Variants in ITGA9 observed in about 807,000 individuals in gnomAD.
ITGA9 encodes integrin alpha-9.
Under a neutral mutation model 127.8 loss-of-function variants are expected in ITGA9, and 56 were observed. The ratio of observed to expected loss-of-function variants is 0.44; its 90% CI spans 0.35 to 0.55. The LOEUF (loss-of-function observed/expected upper bound fraction) is 0.55. Ranked by LOEUF, ITGA9 falls within the 20% of genes least tolerant of loss-of-function variation. ITGA9 has a pLI of 0.00. For synonymous variants in ITGA9, 508 were observed against 514.5 expected, an observed-to-expected ratio of 0.99 and a Z score of 0.17; for missense variants, 1,196 against 1,347.1, an observed-to-expected ratio of 0.89 and a Z score of 1.76.
chr3:37,774,437 A>G (rs914386185), intron 23 of ITGA9, among the ~76,000 whole-genome samples: 6 of 151,940 alleles, frequency 3.9e-5, no homozygotes, highest in African/African-American at 9.7e-5. Context: ...GCTCATGCCT[A>G]TAATCCCAGT....
intron 16 of ITGA9, among the ~76,000 whole-genome samples, chr3:37,636,302 T>G (rs1559554906): frequency 1.3e-5 from 2 of 152,190 alleles, no homozygotes; most frequent in African/African-American, 4.8e-5. Flanking sequence ...TGTTGTTTCC[T>G]GACTTTTTAA....
At position 37,750,027 on chromosome 3, in the gene ITGA9, G is replaced by A. The variant is rs146410419; in HGVS notation, c.2434-435G>A. On this transcript the variant is annotated intron_variant, in intron 22 of 27. Transcript: ENST00000264741. ...CCTAGACCTACTGAGTCAGAAACTC[G>A]GCATGACCCCCACTCCATACCCCCC... is the stretch of plus-strand genomic sequence containing the variant. 4.5e-3 allele frequency among the ~76,000 whole-genome samples: 678 copies of A among 151,834 alleles called. 1 individual carries two copies. The highest frequency in any genetic ancestry group is 0.015 in the African/African-American group (638 of 41,358).
intron 14 of ITGA9, among the ~76,000 whole-genome samples, chr3:37,535,920 G>A (rs1559530897): frequency 1.3e-5 from 2 of 152,320 alleles, no homozygotes; most frequent in South Asian, 4.2e-4. Context: ...AAATGTGCTG[G>A]CAGTGAAATG....
chr3:37,662,455 A>G (rs1700547553), intron 17 of ITGA9, among the ~76,000 whole-genome samples: 1 of 152,100 alleles, frequency 6.6e-6, no homozygotes, highest in East Asian at 1.9e-4. Context: ...AAGGGAGAGG[A>G]GAACATTGAG....
At chr3:37,509,313 A>C (rs1698877482) in intron 8 of ITGA9, among the ~76,000 whole-genome samples, 1 of 152,204 alleles carries the variant, frequency 6.6e-6, no homozygotes, top group African/African-American at 2.4e-5. Flanking sequence ...TTAATAAGCA[A>C]CAGTTTTCAT....
intron 15 of ITGA9, among the ~76,000 whole-genome samples, chr3:37,610,331 G>T (rs1219914640): frequency 6.6e-6 from 1 of 152,044 alleles, no homozygotes; most frequent in Non-Finnish European, 1.5e-5. Flanking sequence ...TGTTAAATTT[G>T]TTCAAAGTTT....
At chr3:37,777,999 T>C (rs1330301286) in intron 24 of ITGA9, among the ~76,000 whole-genome samples, 4 of 152,156 alleles carry the variant, frequency 2.6e-5, no homozygotes, top group African/African-American at 9.7e-5. Context: ...TATCCATCAA[T>C]AGGAGAATAA....
At position 37,727,257 on chromosome 3, in the gene ITGA9, A is replaced by G. The variant is rs1465051426; in HGVS notation, c.2068-5455A>G. On this transcript the variant is annotated intron_variant, in intron 18 of 27. Transcript: ENST00000264741. ...TTGAAAAATCTTAAGTAGAACCATC[A>G]TAAGTCAGGGACTATCTGTATGGTA... 2.0e-5 allele frequency among the ~76,000 whole-genome samples: 3 copies of G among 152,236 alleles called. No individual in the cohort carries two copies. The South Asian group carries it at 6.2e-4, about 32-fold the overall frequency.
intron 27 of ITGA9, among the ~76,000 whole-genome samples, chr3:37,816,710 G>A (rs1444921392): frequency 6.6e-6 from 1 of 152,156 alleles, no homozygotes; most frequent in African/African-American, 2.4e-5. Flanking sequence ...GTATATGTGT[G>A]GGGGCGTCAG....
chr3:37,459,159 C>T (rs545836336), intron 1 of ITGA9, among the ~76,000 whole-genome samples: 13 of 152,334 alleles, frequency 8.5e-5, no homozygotes, highest in Admixed American at 7.2e-4. Flanking sequence ...ACACCAAAAG[C>T]AGCAACAGTG....
At chr3:37,489,986 T>C (rs1698652328) in intron 4 of ITGA9, among the ~76,000 whole-genome samples, 1 of 152,204 alleles carries the variant, frequency 6.6e-6, no homozygotes, top group South Asian at 2.1e-4. Flanking sequence ...CGTTCCCCTA[T>C]TTCCTGGGGT....
At chr3:37,586,225 G>A (rs192488509) in intron 15 of ITGA9, among the ~76,000 whole-genome samples, 13 of 152,308 alleles carry the variant, frequency 8.5e-5, no homozygotes, top group South Asian at 2.1e-4. Context: ...AAGCAAAGAC[G>A]TAGAAACCGT....
intron 15 of ITGA9, among the ~76,000 whole-genome samples, chr3:37,545,387 C>T (rs1234977220): frequency 6.6e-6 from 1 of 151,814 alleles, no homozygotes; most frequent in Non-Finnish European, 1.5e-5. Context: ...TCTCCCTCTC[C>T]TTTTCCCTGG....
At chr3:37,528,694 C>T (rs181278215) in intron 13 of ITGA9, among the ~76,000 whole-genome samples, 1 of 152,278 alleles carries the variant, frequency 6.6e-6, no homozygotes, top group East Asian at 1.9e-4. Flanking sequence ...TTGGTAAGCT[C>T]CTACCGCATG....
intron 16 of ITGA9, among the ~76,000 whole-genome samples, chr3:37,646,480 TGAG>T (rs1290770076): frequency 6.6e-6 from 1 of 152,234 alleles, no homozygotes; most frequent in Non-Finnish European, 1.5e-5. Flanking sequence ...TCCATGAGGC[TGAG>T]GAGGCCACTG....
chr3:37,651,966 C>T (rs947715949), intron 16 of ITGA9, among the ~76,000 whole-genome samples: 1 of 152,130 alleles, frequency 6.6e-6, no homozygotes, highest in Admixed American at 6.5e-5. Context: ...CCTCCATCTC[C>T]ACCTCCACCT....
At chr3:37,781,035 C>G (rs1696970543) in intron 25 of ITGA9, among the ~76,000 whole-genome samples, 1 of 152,202 alleles carries the variant, frequency 6.6e-6, no homozygotes, top group African/African-American at 2.4e-5. Context: ...ATCCTGGGCT[C>G]CACCCCAGAC....
chr3:37,485,973 G>C (rs185563263), intron 4 of ITGA9, among the ~76,000 whole-genome samples: 1 of 152,262 alleles, frequency 6.6e-6, no homozygotes, highest in East Asian at 1.9e-4. Flanking sequence ...CGATGTATAG[G>C]GAAAACTACT....
intron 15 of ITGA9, among the ~76,000 whole-genome samples, chr3:37,552,951 G>T (rs1207968227): frequency 6.6e-6 from 1 of 150,666 alleles, no homozygotes; most frequent in Non-Finnish European, 1.5e-5. Flanking sequence ...GTAGGCGGAG[G>T]TTGCAGTGAG....
Sources: allele counts gnomAD v4.1 joint callset (sites outside exome capture counted in the v4.1 genomes callset), GRCh38; gene constraint gnomAD v4.1.1; transcripts MANE v1.5; gene names NCBI Gene and HGNC (gene_info 2026-07-23, HGNC 2026-07-21).